GPC3: variants seen among roughly 807,000 people sequenced by gnomAD.
GPC3 encodes the protein glypican 3.
GPC3 carries 3 observed loss-of-function variants against 34.4 expected under a neutral mutation model. The observed-to-expected ratio is 0.09, with a 90% CI of 0.04 to 0.23. GPC3 has a LOEUF of 0.23. Ranked by LOEUF, GPC3 falls within the 10% of genes least tolerant of loss-of-function variation. The pLI, the probability that GPC3 is intolerant of heterozygous loss-of-function variation, is 1.00. For synonymous variants in GPC3, 177 were observed against 174.0 expected (o/e 1.02, Z -0.13); for missense variants, 351 against 445.6 (o/e 0.79, Z 1.91).
At chrX:133,981,482 A>G (rs1042241748) in intron 1 of GPC3, among the ~76,000 whole-genome samples, 1 of 112,400 alleles carries the variant, frequency 8.9e-6, no homozygotes, top group African/African-American at 3.2e-5. Context: ...GGATTCGTGT[A>G]CTATTCAGAC....
intron 2 of GPC3, among the ~76,000 whole-genome samples, chrX:133,762,390 T>C (rs2071801620): frequency 8.9e-6 from 1 of 111,978 alleles, no homozygotes; most frequent in African/African-American, 3.2e-5. Flanking sequence ...CTAAAGAGCT[T>C]CTGCAAAGCA....
intron 5 of GPC3, among the ~76,000 whole-genome samples, chrX:133,663,700 A>G (rs984504026): frequency 7.2e-5 from 8 of 111,663 alleles, no homozygotes; most frequent in Non-Finnish European, 1.5e-4. Flanking sequence ...AGTCACTCTC[A>G]CTGGGTTCCC....
chrX:133,540,714 A>C (rs1231824003), intron 7 of GPC3, among the ~76,000 whole-genome samples: 1 of 111,772 alleles, frequency 8.9e-6, no homozygotes, highest in Non-Finnish European at 1.9e-5. Flanking sequence ...AAAATAAAAA[A>C]TAATAAAATT....
At chrX:133,912,979 G>A (rs1000869724) in intron 2 of GPC3, among the ~76,000 whole-genome samples, 13 of 108,134 alleles carry the variant, frequency 1.2e-4, no homozygotes, top group Non-Finnish European at 2.1e-4. Context: ...GCTTGAACCC[G>A]GGAGGTAGAG....
chrX:133,680,742 C>T (rs957984862), intron 5 of GPC3, among the ~76,000 whole-genome samples: 3 of 112,082 alleles, frequency 2.7e-5, no homozygotes, highest in Admixed American at 9.4e-5. Flanking sequence ...CAACTAGACT[C>T]ATCATGGTTT....
intron 7 of GPC3, among the ~76,000 whole-genome samples, chrX:133,552,464 G>A (rs1029581454): frequency 1.8e-4 from 20 of 111,509 alleles, no homozygotes; most frequent in African/African-American, 6.5e-4. Context: ...ATAATTGTAG[G>A]GAAATAACCA....
intron 2 of GPC3, among the ~76,000 whole-genome samples, chrX:133,803,203 G>A (rs2124520927): frequency 8.9e-6 from 1 of 112,421 alleles, no homozygotes; most frequent in Non-Finnish European, 1.9e-5. Context: ...GGGATTACAG[G>A]CGTGAGCCAG....
intron 2 of GPC3, among the ~76,000 whole-genome samples, chrX:133,828,617 T>C (rs1180970961): frequency 9.0e-6 from 1 of 111,512 alleles, no homozygotes; most frequent in African/African-American, 3.3e-5. Context: ...CTCACTTACA[T>C]GTGGAATCTG....
intron 6 of GPC3, among the ~76,000 whole-genome samples, chrX:133,655,261 T>G (rs963759188): frequency 1.8e-5 from 2 of 111,572 alleles, no homozygotes; most frequent in Non-Finnish European, 3.8e-5. Flanking sequence ...TGTGATTATT[T>G]TTCAGGCTAT....
chrX:133,800,203 G>A (rs1343080273), intron 2 of GPC3, among the ~76,000 whole-genome samples: 2 of 112,278 alleles, frequency 1.8e-5, no homozygotes, highest in Non-Finnish European at 1.9e-5. Context: ...GTTTGCGTCC[G>A]ATAAAAATAA....
At chrX:133,787,304 G>A (rs979962843) in intron 2 of GPC3, among the ~76,000 whole-genome samples, 11 of 111,886 alleles carry the variant, frequency 9.8e-5, no homozygotes, top group African/African-American at 3.2e-4. Context: ...TTTCCCTCTC[G>A]CTCATTAGCA....
In GPC3 at chrX:133,793,251, A is replaced by T. The variant is rs758892178; in HGVS notation, c.338-39075T>A. On this transcript the variant is annotated intron_variant, in intron 2 of 7. Transcript: ENST00000370818. The stretch of plus-strand genomic sequence containing the variant: ...GAGTATAATTAAATCCAAAAATTGA[A>T]CACCTTGCTATAGTATTAAAGGTGT... 2.6e-3 allele frequency among the ~76,000 whole-genome samples: 286 copies of T among 111,621 alleles called. 1 individual carries two copies. The highest frequency in any genetic ancestry group is 8.7e-3 in the African/African-American group (268 of 30,691).
chrX:133,938,810 C>A (rs955524015), intron 2 of GPC3, among the ~76,000 whole-genome samples: 2 of 111,907 alleles, frequency 1.8e-5, no homozygotes, highest in Non-Finnish European at 3.8e-5. Context: ...TTCTGACCGC[C>A]TTCAAAATAA....
intron 2 of GPC3, among the ~76,000 whole-genome samples, chrX:133,943,378 G>C (rs973625175): frequency 8.9e-6 from 1 of 112,354 alleles, no homozygotes; most frequent in African/African-American, 3.2e-5. Flanking sequence ...GAAAGGTAAG[G>C]TTATGTGAAT....
intron 1 of GPC3, among the ~76,000 whole-genome samples, chrX:133,960,697 A>ATTT (rs201343620): frequency 1.9e-5 from 2 of 105,850 alleles, no homozygotes; most frequent in African/African-American, 6.8e-5. Context: ...ATGGCAGATT[A>ATTT]TTTTTTTTTT....
intron 2 of GPC3, among the ~76,000 whole-genome samples, chrX:133,867,071 G>A (rs989026394): frequency 6.4e-5 from 7 of 110,209 alleles, no homozygotes; most frequent in Admixed American, 9.6e-5. Context: ...GGTGGTGCAC[G>A]CCTGTAATCC....
intron 5 of GPC3, among the ~76,000 whole-genome samples, chrX:133,679,677 C>T (rs984664411): frequency 1.3e-4 from 14 of 110,648 alleles, no homozygotes; most frequent in Non-Finnish European, 2.3e-4. Flanking sequence ...TTTTTTGAGA[C>T]AGGGGATCAC....
rs752152245 is a variant in GPC3, at chrX:133,957,450, CTA to C, written c.176-4241_176-4240del. 8.9e-5 allele frequency among the ~76,000 whole-genome samples: 10 copies of C among 112,413 alleles called. No individual in the cohort carries two copies. In the South Asian group the frequency reaches 3.7e-3, roughly 41 times the overall value. ...ATGAAATGACAATAATGAAATATAACTATTTCAATGTATGGACATGTGCATGA... is the reference window on the plus strand; with the variant it reads ...ATGAAATGACAATAATGAAATATAACTTTCAATGTATGGACATGTGCATGA... On this transcript the variant is annotated intron_variant, in intron 1 of 7. Transcript: ENST00000370818.
At position 133,653,480 on chromosome X, in the gene GPC3, G is replaced by A. The variant is rs756113103; in HGVS notation, c.1413+8250C>T. Among the ~76,000 whole-genome samples, 3 of 111,672 alleles carry A rather than the reference G, an allele frequency of 2.7e-5. No homozygotes were observed. The East Asian group carries it at 8.5e-4, about 32-fold the overall frequency. ...ATGTCCAGGAAGGTGGAGGAGTTGA[G>A]ATCCAGGGGATGAGACTGAAAGGAT... On this transcript the variant is annotated intron_variant, in intron 6 of 7. Transcript: ENST00000370818.
Sources: gnomAD v4.1 joint callset for allele counts (sites outside exome capture counted in the v4.1 genomes callset) on GRCh38, gnomAD v4.1.1 for gene constraint, MANE v1.5 for transcripts, NCBI Gene and HGNC (gene_info 2026-07-23, HGNC 2026-07-21) for gene names.